The following CRYBB3 variants were observed in gnomAD, a reference collection of about 807,000 sequenced individuals.
CRYBB3 encodes beta-crystallin B3.
In CRYBB3, 35 loss-of-function variants were observed where a neutral mutation model predicts 28.3. That is an observed-to-expected ratio of 1.24 (90% CI 0.95 to 1.64). The LOEUF (loss-of-function observed/expected upper bound fraction) is 1.64, where lower values mean the gene tolerates loss of function less well. Ranked by LOEUF, CRYBB3 falls within the 40% of genes most tolerant of loss-of-function variation. CRYBB3 has a pLI of 0.00. For synonymous variants in CRYBB3, 106 were observed against 110.4 expected, an observed-to-expected ratio of 0.96 and a Z score of 0.25; for missense variants, 296 against 297.4, an observed-to-expected ratio of 1.00 and a Z score of 0.04.
intron 3 of CRYBB3, 72 bp from the exon 4 acceptor site, chr22:25,203,691 C>T (rs1265565795): frequency 6.3e-6 from 10 of 1,579,104 alleles, no homozygotes; most frequent in Admixed American, 1.7e-5. Context: ...CTCTTGGACA[C>T]TTCTCTCACT....
At chr22:25,201,290 G>A in intron 1 of CRYBB3, 87 bp from the exon 2 acceptor site, 1 of 1,588,950 alleles carries the variant, frequency 6.3e-7, no homozygotes, top group Non-Finnish European at 8.6e-7. Context: ...GGGCAGCAAG[G>A]CTCTGTAGCT....
At chr22:25,204,557 G>A (rs1934998641) in intron 4 of CRYBB3, among the ~76,000 whole-genome samples, 1 of 152,162 alleles carries the variant, frequency 6.6e-6, no homozygotes, top group Non-Finnish European at 1.5e-5. Context: ...AGCTGGGACT[G>A]AAGGCACATG....
At chr22:25,206,961 G>A (rs1935045628) in intron 5 of CRYBB3, 86 bp from the exon 6 acceptor site, 2 of 983,078 alleles carry the variant, frequency 2.0e-6, no homozygotes, top group South Asian at 2.6e-5. Flanking sequence ...AGGAATGTAG[G>A]CAGGCAGAGT....
chr22:25,205,827 G>C (rs911277722), intron 5 of CRYBB3, among the ~76,000 whole-genome samples: 10 of 152,142 alleles, frequency 6.6e-5, no homozygotes, highest in Non-Finnish European at 1.2e-4. Flanking sequence ...TTTCTAGGCA[G>C]CCTTGACTTA....
intron 4 of CRYBB3, 135 bp downstream of exon 4, chr22:25,204,030 T>C: frequency 9.1e-7 from 1 of 1,101,610 alleles, no homozygotes; most frequent in Non-Finnish European, 1.4e-6. Flanking sequence ...CCCTCATGTT[T>C]CTGATTTGAA....
chr22:25,201,622 C>T, intron 2 of CRYBB3, 151 bp downstream of exon 2: 2 of 1,395,808 alleles, frequency 1.4e-6, no homozygotes, highest in Non-Finnish European at 1.9e-6. Flanking sequence ...CTCTCACTGC[C>T]ACCCTCCCGT....
rs776776705 is a variant in CRYBB3, at chr22:25,207,042, G to A, written c.471-5G>A. 5.6e-6 allele frequency: 9 copies of A among 1,612,078 alleles called. No homozygotes were observed. The highest frequency in any genetic ancestry group is 4.4e-5 in the South Asian group (4 of 91,056). On this transcript the variant is annotated splice_region_variant and splice_polypyrimidine_tract_variant and intron_variant, in intron 5 of 5. Transcript: ENST00000215855. ...GTCCACATCTCAACCTTGGTCTCCC[G>A]GCAGGTGGGTTGGCTATGAGTTCCC...
At chr22:25,202,517 T>C (rs959132466) in intron 2 of CRYBB3, among the ~76,000 whole-genome samples, 157 bp from the exon 3 acceptor site, 20 of 152,178 alleles carry the variant, frequency 1.3e-4, no homozygotes, top group Non-Finnish European at 2.9e-4. Flanking sequence ...TTTCCCTCCA[T>C]GACCATTAGA....
rs1569008402 is a variant in CRYBB3 at position 25,203,752 on chromosome 22, T to A, written c.195-11T>A. The stretch of plus-strand genomic sequence containing the variant: ...GCAAAGGTGACCCAGCCAAGCCTCT[T>A]CCTCCCTCAGGTGGCTGGCATTTGA... On this transcript the variant is annotated splice_polypyrimidine_tract_variant and intron_variant, in intron 3 of 5. Coordinates refer to ENST00000215855, the MANE Select transcript of CRYBB3 (RefSeq NM_004076.5). 1.3e-5 allele frequency: 21 copies of A among 1,614,106 alleles called. No homozygotes were observed. The highest frequency in any genetic ancestry group is 1.8e-5 in the Non-Finnish European group (21 of 1,180,002).
At chr22:25,201,506 T>G in intron 2 of CRYBB3, 35 bp downstream of exon 2, 1 of 1,608,444 alleles carries the variant, frequency 6.2e-7, no homozygotes, top group Non-Finnish European at 8.5e-7. Flanking sequence ...GGGCCCAGGC[T>G]ACTCCTGGGC....
At position 25,207,105 on chromosome 22, in the gene CRYBB3, G is replaced by T; in HGVS notation, c.529G>T (p.Glu177Ter). The T allele has an allele frequency of 6.2e-7, 1 of 1,613,564 alleles. No homozygotes were observed. The highest frequency in any genetic ancestry group is 1.3e-5 in the African/African-American group (1 of 75,040). Residue 177 changes from glutamate (E) to a stop codon, truncating the protein, a stop_gained, in exon 6 of 6, where the codon GAG becomes TAG. Coordinates refer to ENST00000215855, the MANE Select transcript of CRYBB3 (RefSeq NM_004076.5). LOFTEE classifies it high-confidence loss of function. ...GCGCCAGTACGTGTTTGAGCGGGGC[G>T]AGTACCGCCACTGGAATGAGTGGGA... ...RGRQYVFERG[E>*]YRHWNEWDAS...
chr22:25,203,792 G>A lies in CRYBB3; in HGVS notation c.224G>A (p.Arg75His), dbSNP rs183587921. The A allele has an allele frequency of 3.5e-4, 566 of 1,614,186 alleles. 2 individuals carry two copies. The highest frequency in any genetic ancestry group is 8.9e-4 in the South Asian group (81 of 91,084). Reference sequence around the variant, plus strand: ...CTGGCATTTGAGTCCAGGGCCTTCCGCGGGGAGCAGTTTGTTCTGGAGAAG... The same window carrying A: ...CTGGCATTTGAGTCCAGGGCCTTCCACGGGGAGCAGTTTGTTCTGGAGAAG... ...PWLAFESRAF[R>H]GEQFVLEKGD... The change falls in exon 4 of 6, where the codon CGC becomes CAC. Residue 75 changes from arginine (R) to histidine (H), a missense_variant. Arg to His is a conservative substitution (Grantham distance 29). Transcript: ENST00000215855.
rs1476068065 is a variant in CRYBB3 at position 25,207,287 on chromosome 22, G to C, written c.*75G>C. ...GCAAGAAGAGGAGGCTCCAGGGTTG[G>C]GGCGAGGGCCGACCTGTCCACCCTT... is the stretch of plus-strand genomic sequence containing the variant. On this transcript the variant is annotated 3_prime_UTR_variant, in exon 6 of 6. Coordinates refer to ENST00000215855, the MANE Select transcript of CRYBB3 (RefSeq NM_004076.5). 8 of 1,391,068 alleles carry C rather than the reference G, an allele frequency of 5.8e-6. No homozygotes were observed. The African/African-American group carries it at 1.1e-4, about 20-fold the overall frequency. 86.2% of individuals were successfully genotyped at this position (1,391,068 alleles called of 1,614,324 possible). A position where few individuals can be genotyped will look rare whatever the true frequency, so the allele number is the denominator to read the frequency against.
At chr22:25,205,561 G>A (rs1174065850) in intron 5 of CRYBB3, among the ~76,000 whole-genome samples, 199 bp downstream of exon 5, 1 of 152,188 alleles carries the variant, frequency 6.6e-6, no homozygotes, top group African/African-American at 2.4e-5. Flanking sequence ...CCGGGTTCAT[G>A]CCATTCTCCT....
Position 25,199,914 on chromosome 22 carries a change from A to G in CRYBB3, c.-21+5A>G, listed in dbSNP as rs1601405541. 1 of 152,136 alleles carries G rather than the reference A, an allele frequency of 6.6e-6. No individual in the cohort carries two copies. Among genetic ancestry groups the G allele is most frequent in the Non-Finnish European group, 1.5e-5 (1 of 68,130 alleles). The allele number at this position is 152,136 out of a possible 1,614,324, so 9.4% of individuals were successfully genotyped here. On this transcript the variant is annotated splice_donor_5th_base_variant and intron_variant, in intron 1 of 5. Transcript: ENST00000215855. Reference sequence around the variant, plus strand: ...TTCCCGAGGCTACAGCAACAGGTTCATTCTGGGATGGGTTGGGGGTGGGGA... The same window carrying G: ...TTCCCGAGGCTACAGCAACAGGTTCGTTCTGGGATGGGTTGGGGGTGGGGA...
intron 3 of CRYBB3, 23 bp downstream of exon 3, chr22:25,202,815 C>G: frequency 6.2e-7 from 1 of 1,612,564 alleles, no homozygotes; most frequent in Non-Finnish European, 8.5e-7. Context: ...ACCCCCAGTC[C>G]CTCGCCACAG....
At chr22:25,205,705 C>T (rs1047674013) in intron 5 of CRYBB3, among the ~76,000 whole-genome samples, 3 of 152,000 alleles carry the variant, frequency 2.0e-5, no homozygotes, top group African/African-American at 4.8e-5. Flanking sequence ...ATGATCTGCC[C>T]GCCTCGGCCT....
Position 25,205,449 on chromosome 22 carries a change from T to C in CRYBB3, c.470+87T>C, listed in dbSNP as rs1261479033. 6 of 1,384,754 alleles carry C rather than the reference T, an allele frequency of 4.3e-6. No individual in the cohort carries two copies. In the Admixed American group the frequency reaches 1.8e-4, roughly 41 times the overall value. 85.8% of individuals were successfully genotyped at this position (1,384,754 alleles called of 1,614,324 possible). A position where few individuals can be genotyped will look rare whatever the true frequency, so the allele number is the denominator to read the frequency against. ...CAGAATCAGTGCCCATAGTTTCTTA[T>C]TATTTTATTTATTTATTTATTTATT... On this transcript the variant is annotated intron_variant, in intron 5 of 5. Transcript: ENST00000215855.
intron 3 of CRYBB3, among the ~76,000 whole-genome samples, chr22:25,202,997 G>A (rs1343856904): frequency 6.6e-6 from 1 of 152,216 alleles, no homozygotes; most frequent in Non-Finnish European, 1.5e-5. Context: ...ACCTGAGGTT[G>A]GAAGAACAGC....
Sources: allele counts gnomAD v4.1 joint callset (sites outside exome capture counted in the v4.1 genomes callset), GRCh38; gene constraint gnomAD v4.1.1; transcripts MANE v1.5; gene names NCBI Gene and HGNC (gene_info 2026-07-23, HGNC 2026-07-21).